RASAL2: variants seen among roughly 807,000 people sequenced by gnomAD.
RASAL2 encodes RAS protein activator like 2.
In RASAL2, 58 loss-of-function variants were observed where a neutral mutation model predicts 128.9. The ratio of observed to expected loss-of-function variants is 0.45; its 90% CI spans 0.36 to 0.56. The LOEUF (loss-of-function observed/expected upper bound fraction) is 0.56, where lower values mean the gene tolerates loss of function less well. Ranked by LOEUF, RASAL2 falls within the 20% of genes least tolerant of loss-of-function variation. The probability of loss-of-function intolerance (pLI) is 0.00; values close to 1 mark genes in which losing one functional copy is unlikely to be tolerated. For missense variants in RASAL2, 1,360 were observed against 1,601.6 expected (o/e 0.85, Z 2.57); for synonymous variants, 561 against 580.8 (o/e 0.97, Z 0.49).
intron 4 of RASAL2, among the ~76,000 whole-genome samples, chr1:178,399,817 T>TAG (rs1317869030): frequency 6.6e-6 from 1 of 152,192 alleles, no homozygotes; most frequent in Non-Finnish European, 1.5e-5. Context: ...TCTAGTGCAG[T>TAG]AGAGATTCTT....
At chr1:178,174,452 A>G (rs946654066) in intron 1 of RASAL2, among the ~76,000 whole-genome samples, 2 of 152,120 alleles carry the variant, frequency 1.3e-5, no homozygotes, top group African/African-American at 4.8e-5. Flanking sequence ...GCAGAAACAA[A>G]TGCTGTACTT....
chr1:178,467,896 G>A (rs1286029250), intron 17 of RASAL2, among the ~76,000 whole-genome samples: 1 of 152,134 alleles, frequency 6.6e-6, no homozygotes, highest in African/African-American at 2.4e-5. Context: ...ACCTTTCCTT[G>A]TTGTTCTTTT....
chr1:178,131,601 A>G (rs1333293950), intron 1 of RASAL2, among the ~76,000 whole-genome samples: 2 of 152,044 alleles, frequency 1.3e-5, no homozygotes, highest in East Asian at 3.9e-4. Context: ...TAACTCTTGC[A>G]AGGTGGTGGT....
chr1:178,264,979 A>G (rs529977669), intron 1 of RASAL2, among the ~76,000 whole-genome samples: 40 of 152,306 alleles, frequency 2.6e-4, no homozygotes, highest in African/African-American at 9.4e-4. Context: ...GGGACTTACT[A>G]TGAATAACAA....
intron 1 of RASAL2, among the ~76,000 whole-genome samples, chr1:178,236,609 A>C (rs955455904): frequency 1.3e-5 from 2 of 152,174 alleles, no homozygotes; most frequent in African/African-American, 4.8e-5. Flanking sequence ...GGAAAACAAA[A>C]AACAGAAAGG....
At chr1:178,360,428 T>C (rs1302693120) in intron 3 of RASAL2, among the ~76,000 whole-genome samples, 1 of 152,156 alleles carries the variant, frequency 6.6e-6, no homozygotes, top group Admixed American at 6.5e-5. Context: ...CTGTTACAGG[T>C]AGAAGGGTGC....
chr1:178,406,682 T>C (rs975662139), intron 4 of RASAL2, among the ~76,000 whole-genome samples: 5 of 152,146 alleles, frequency 3.3e-5, no homozygotes, highest in Non-Finnish European at 5.9e-5. Context: ...CATGACAGAT[T>C]CATGAAAATG....
intron 3 of RASAL2, among the ~76,000 whole-genome samples, chr1:178,379,691 C>T (rs1314545732): frequency 6.6e-6 from 1 of 152,096 alleles, no homozygotes; most frequent in East Asian, 1.9e-4. Context: ...GACATGGTTC[C>T]CTTAGAGTTT....
chr1:178,307,999 C>T (rs1055070304), intron 3 of RASAL2, among the ~76,000 whole-genome samples: 2 of 152,108 alleles, frequency 1.3e-5, no homozygotes, highest in Non-Finnish European at 2.9e-5. Flanking sequence ...AATTCAAATC[C>T]AAACATTTAC....
At chr1:178,236,744 T>C (rs910674181) in intron 1 of RASAL2, among the ~76,000 whole-genome samples, 1 of 151,406 alleles carries the variant, frequency 6.6e-6, no homozygotes, top group Non-Finnish European at 1.5e-5. Context: ...TGATATTTTA[T>C]ATTGGACACT....
chr1:178,341,360 A>G (rs1669868044), intron 3 of RASAL2: 1 of 1,210,260 alleles, frequency 8.3e-7, no homozygotes, highest in African/African-American at 1.6e-5. Flanking sequence ...AAGGGTGGCT[A>G]TTGTTTAGTG....
intron 1 of RASAL2, among the ~76,000 whole-genome samples, chr1:178,247,756 C>G (rs1003017555): frequency 6.6e-6 from 1 of 152,176 alleles, no homozygotes; most frequent in Non-Finnish European, 1.5e-5. Context: ...CCCAGAGATT[C>G]TGGTATGTTG....
chr1:178,132,294 T>C, intron 1 of RASAL2, among the ~76,000 whole-genome samples: 1 of 151,790 alleles, frequency 6.6e-6, no homozygotes, highest in Admixed American at 6.6e-5. Flanking sequence ...TGGGCTCAAG[T>C]GATTCTCCTG....
intron 5 of RASAL2, among the ~76,000 whole-genome samples, chr1:178,432,918 G>A (rs777392653): frequency 3.9e-5 from 6 of 151,902 alleles, no homozygotes; most frequent in Non-Finnish European, 7.4e-5. Context: ...CTTAGCCAAG[G>A]TAGTTTTACT....
chr1:178,322,963 A>G (rs1281799915), intron 3 of RASAL2, among the ~76,000 whole-genome samples: 1 of 152,152 alleles, frequency 6.6e-6, no homozygotes, highest in African/African-American at 2.4e-5. Context: ...GCTTTTGTTC[A>G]CATAGGGCAT....
intron 1 of RASAL2, among the ~76,000 whole-genome samples, chr1:178,173,078 T>G (rs927036756): frequency 6.6e-6 from 1 of 152,118 alleles, no homozygotes; most frequent in South Asian, 2.1e-4. Flanking sequence ...TGTGGGAATA[T>G]CCATGCATTC....
At chr1:178,109,801 C>A (rs1659228321) in intron 1 of RASAL2, among the ~76,000 whole-genome samples, 1 of 152,182 alleles carries the variant, frequency 6.6e-6, no homozygotes, top group Non-Finnish European at 1.5e-5. Flanking sequence ...GTGGGAGAAT[C>A]TCTTGAGGCC....
chr1:178,145,300 T>C (rs1415870150), intron 1 of RASAL2, among the ~76,000 whole-genome samples: 1 of 151,860 alleles, frequency 6.6e-6, no homozygotes, highest in Non-Finnish European at 1.5e-5. Flanking sequence ...GAAAAGAGGA[T>C]TTTTTTTGTT....
At chr1:178,141,553 C>G (rs989928738) in intron 1 of RASAL2, among the ~76,000 whole-genome samples, 6 of 152,142 alleles carry the variant, frequency 3.9e-5, no homozygotes, top group East Asian at 3.9e-4. Flanking sequence ...CTCAGTACCC[C>G]CTCTCAACAG....
Sources: allele counts gnomAD v4.1 joint callset (sites outside exome capture counted in the v4.1 genomes callset), GRCh38; gene constraint gnomAD v4.1.1; transcripts MANE v1.5; gene names NCBI Gene and HGNC (gene_info 2026-07-23, HGNC 2026-07-21).